KAZN: variants seen among roughly 807,000 people sequenced by gnomAD.
KAZN encodes kazrin, periplakin interacting protein.
Under a neutral mutation model 87.4 loss-of-function variants are expected in KAZN, and 40 were observed. That is an observed-to-expected ratio of 0.46 (90% confidence interval 0.36 to 0.60). The LOEUF (loss-of-function observed/expected upper bound fraction) is 0.60. Among genes scored for constraint, KAZN ranks in the 20% least tolerant of loss-of-function variants. KAZN has a pLI of 0.00. For missense variants in KAZN, 898 were observed against 1,073.9 expected, an observed-to-expected ratio of 0.84 and a Z score of 2.29; for synonymous variants, 466 against 458.3, an observed-to-expected ratio of 1.02 and a Z score of -0.22.
intron 2 of KAZN, among the ~76,000 whole-genome samples, chr1:14,365,381 G>GGT (rs1659911879): frequency 1.6e-5 from 2 of 128,140 alleles, no homozygotes; most frequent in East Asian, 2.1e-4. Flanking sequence ...GGGGGGGGGG[G>GGT]GTCTTTCAAG....
chr1:14,536,878 G>A (rs1047729152), intron 2 of KAZN, among the ~76,000 whole-genome samples: 3 of 151,088 alleles, frequency 2.0e-5, no homozygotes, highest in South Asian at 2.1e-4. Flanking sequence ...GCGAAACTCC[G>A]TCTCAAAAAA....
chr1:14,336,416 G>A (rs922940729), intron 2 of KAZN, among the ~76,000 whole-genome samples: 2 of 152,208 alleles, frequency 1.3e-5, no homozygotes, highest in African/African-American at 4.8e-5. Flanking sequence ...AACGAAGGAT[G>A]ATGTATGAGC....
intron 1 of KAZN, chr1:14,124,410 G>T (rs1557494177): frequency 6.6e-6 from 1 of 152,172 alleles, no homozygotes; most frequent in East Asian, 1.9e-4. Context: ...CATGCAGCCT[G>T]GCACCTAATC....
chr1:14,512,851 G>T (rs1329086422), intron 2 of KAZN, among the ~76,000 whole-genome samples: 1 of 152,142 alleles, frequency 6.6e-6, no homozygotes, highest in Non-Finnish European at 1.5e-5. Flanking sequence ...TGACAACCAG[G>T]ACGGTCCTCT....
intron 1 of KAZN, among the ~76,000 whole-genome samples, chr1:14,777,417 C>T (rs1645212868): frequency 6.6e-6 from 1 of 152,132 alleles, no homozygotes; most frequent in East Asian, 1.9e-4. Flanking sequence ...AGTGCCCTTG[C>T]GTATAAGCAC....
intron 2 of KAZN, among the ~76,000 whole-genome samples, chr1:14,495,673 C>T (rs1217991406): frequency 1.3e-5 from 2 of 152,156 alleles, no homozygotes; most frequent in African/African-American, 4.8e-5. Context: ...CTCCAACTCT[C>T]CTTCTTTATT....
chr1:14,486,164 GC>G (rs1169976740), intron 2 of KAZN, among the ~76,000 whole-genome samples: 2 of 152,102 alleles, frequency 1.3e-5, no homozygotes, highest in African/African-American at 4.8e-5. Context: ...CAGCCATCCT[GC>G]CCCAAGACCT....
chr1:14,909,869 A>G (rs1657050055), intron 1 of KAZN, among the ~76,000 whole-genome samples: 1 of 152,130 alleles, frequency 6.6e-6, no homozygotes, highest in African/African-American at 2.4e-5. Context: ...CGTGGGCAAC[A>G]TGGCGAAACC....
intron 2 of KAZN, among the ~76,000 whole-genome samples, chr1:14,342,798 C>T (rs983326223): frequency 6.6e-6 from 1 of 152,194 alleles, no homozygotes; most frequent in Admixed American, 6.5e-5. Flanking sequence ...GAGGGAGCTG[C>T]ACTTGTCCTT....
At chr1:14,689,871 AGCTAG>A (rs2148781354) in intron 1 of KAZN, among the ~76,000 whole-genome samples, 1 of 152,294 alleles carries the variant, frequency 6.6e-6, no homozygotes, top group Non-Finnish European at 1.5e-5. Context: ...TTACATGCAA[AGCTAG>A]GCACCTGTGT....
At chr1:15,109,955 T>TG (rs1360054117) in intron 13 of KAZN, among the ~76,000 whole-genome samples, 82 of 148,624 alleles carry the variant, frequency 5.5e-4, no homozygotes, top group African/African-American at 2.0e-3. Context: ...GTGTATGTGT[T>TG]TGTATATGTG....
At chr1:14,979,909 G>A (rs1666058474) in intron 2 of KAZN, among the ~76,000 whole-genome samples, 2 of 152,156 alleles carry the variant, frequency 1.3e-5, no homozygotes, top group East Asian at 1.9e-4. Flanking sequence ...TTACTTTTGA[G>A]ACAGAGTCTC....
chr1:14,334,941 A>G (rs1425780071), intron 2 of KAZN, among the ~76,000 whole-genome samples: 4 of 151,708 alleles, frequency 2.6e-5, no homozygotes, highest in Non-Finnish European at 5.9e-5. Context: ...AAATAGACAC[A>G]GAGACAGAGA....
chr1:14,613,842 C>T (rs965049327), intron 1 of KAZN, among the ~76,000 whole-genome samples: 8 of 152,192 alleles, frequency 5.3e-5, no homozygotes, highest in African/African-American at 1.9e-4. Flanking sequence ...CCTTGGAAAA[C>T]TATGGCCTCT....
chr1:15,037,202 GC>G (rs1339525881), intron 3 of KAZN, among the ~76,000 whole-genome samples: 1 of 152,234 alleles, frequency 6.6e-6, no homozygotes, highest in South Asian at 2.1e-4. Context: ...CCCATGCCCA[GC>G]AGCAGGGAAA....
intron 1 of KAZN, among the ~76,000 whole-genome samples, chr1:14,676,308 T>C: frequency 6.6e-6 from 1 of 152,176 alleles, no homozygotes; most frequent in Non-Finnish European, 1.5e-5. Context: ...ATATGCAAAA[T>C]GTCAGGTCCT....
At chr1:14,665,742 A>C (rs899209700) in intron 1 of KAZN, among the ~76,000 whole-genome samples, 1 of 152,110 alleles carries the variant, frequency 6.6e-6, no homozygotes, top group Non-Finnish European at 1.5e-5. Context: ...GACTTGGCCC[A>C]CTGTCAAGCC....
At chr1:14,924,092 A>T in intron 1 of KAZN, 3 of 972,802 alleles carry the variant, frequency 3.1e-6, no homozygotes, top group Non-Finnish European at 3.7e-6. Flanking sequence ...GGCAGTCGCC[A>T]GCCCGGAAGG....
At chr1:14,238,298 G>A (rs1648609444) in intron 2 of KAZN, among the ~76,000 whole-genome samples, 1 of 152,196 alleles carries the variant, frequency 6.6e-6, no homozygotes, top group Non-Finnish European at 1.5e-5. Context: ...CATCATGGAA[G>A]GCTGGAAGGA....
Sources: allele counts gnomAD v4.1 joint callset (sites outside exome capture counted in the v4.1 genomes callset), GRCh38; gene constraint gnomAD v4.1.1; transcripts MANE v1.5; gene names NCBI Gene and HGNC (gene_info 2026-07-23, HGNC 2026-07-21).